ASPH: variants seen among roughly 807,000 people sequenced by gnomAD.
ASPH encodes aspartate beta-hydroxylase.
Under a neutral mutation model 118.4 loss-of-function variants are expected in ASPH, and 100 were observed. The observed-to-expected ratio is 0.84, with a 90% confidence interval of 0.72 to 1.00. The LOEUF (loss-of-function observed/expected upper bound fraction) is 1.00. Among genes scored for constraint, ASPH ranks in the 50% least tolerant of loss-of-function variants. The pLI is 0.00. For synonymous variants in ASPH, 315 were observed against 325.6 expected (o/e 0.97, Z 0.35); for missense variants, 920 against 919.5 (o/e 1.00, Z -0.01).
chr8:61,543,625 A>G (rs1476385059), intron 21 of ASPH, among the ~76,000 whole-genome samples: 1 of 152,166 alleles, frequency 6.6e-6, no homozygotes, highest in Admixed American at 6.5e-5. Flanking sequence ...AGGGCCCCTC[A>G]CAGGCAGTTT....
chr8:61,527,582 A>G (rs1013787591), intron 21 of ASPH, among the ~76,000 whole-genome samples: 1 of 152,244 alleles, frequency 6.6e-6, no homozygotes, highest in Non-Finnish European at 1.5e-5. Context: ...TGTTAACGGA[A>G]GACCAATGAG....
At chr8:61,640,897 C>G (rs1804806658) in intron 10 of ASPH, among the ~76,000 whole-genome samples, 2 of 152,144 alleles carry the variant, frequency 1.3e-5, no homozygotes, top group Admixed American at 6.5e-5. Flanking sequence ...AGTGTATGTT[C>G]TGGGGTTTGC....
intron 15 of ASPH, among the ~76,000 whole-genome samples, chr8:61,581,276 A>G (rs1574196): frequency 0.28 from 42,499 of 152,098 alleles, 7,285 homozygotes; most frequent in African/African-American, 0.47. Flanking sequence ...ATAGCTCCAA[A>G]CACTATTGCT....
At position 61,714,275 on chromosome 8, in the gene ASPH, G is replaced by A. The variant is rs1288784411; in HGVS notation, c.97C>T (p.Arg33Trp). Residue 33 changes from arginine (R) to tryptophan (W), a missense_variant, in exon 1 of 25, where the codon CGG becomes TGG. Physicochemically the swap from Arg to Trp is moderately radical, Grantham distance 101. Transcript: ENST00000379454. Reference sequence around the variant, plus strand: ...GCCCCGCAGGGCCTCTGACCTCTCCGGGCCCCGGGGCTGCTGCTGCCCGCA... The same window carrying A: ...GCCCCGCAGGGCCTCTGACCTCTCCAGGCCCCGGGGCTGCTGCTGCCCGCA... ...TSAGSSSPGA[R>W]RETKHGGHKN... The A allele has an allele frequency of 2.0e-6, 3 of 1,513,912 alleles. No individual in the cohort carries two copies. Among genetic ancestry groups the A allele is most frequent in the African/African-American group, 1.4e-5 (1 of 69,248 alleles). The allele number at this position is 1,513,912 out of a possible 1,614,324, so 93.8% of individuals were successfully genotyped here. A position where few individuals can be genotyped will look rare whatever the true frequency, so the allele number is the denominator to read the frequency against.
chr8:61,635,465 C>T (rs895596100), intron 12 of ASPH, among the ~76,000 whole-genome samples: 4 of 152,104 alleles, frequency 2.6e-5, no homozygotes, highest in Admixed American at 6.6e-5. Context: ...TTCAACCCCC[C>T]ACTTGATACT....
chr8:61,681,669 T>C (rs950705885), intron 2 of ASPH, among the ~76,000 whole-genome samples: 2 of 151,880 alleles, frequency 1.3e-5, no homozygotes, highest in East Asian at 3.9e-4. Flanking sequence ...GGAAAACTTA[T>C]GATTATTCTA....
chr8:61,578,552 C>A (rs1836153802), intron 15 of ASPH: 27 of 1,520,616 alleles, frequency 1.8e-5, no homozygotes, highest in Non-Finnish European at 2.4e-5. Context: ...AGGTACGGTT[C>A]CTGGAGCAGC....
chr8:61,591,533 A>G (rs1841137844), intron 14 of ASPH, among the ~76,000 whole-genome samples: 1 of 152,218 alleles, frequency 6.6e-6, no homozygotes, highest in South Asian at 2.1e-4. Context: ...GGCAGAATAC[A>G]AGGCACAACT....
chr8:61,578,148 A>C, intron 15 of ASPH: 1 of 1,467,514 alleles, frequency 6.8e-7, no homozygotes. Context: ...AATTGGACCA[A>C]GAAGCAGCTT....
chr8:61,641,239 T>C (rs913379054), intron 10 of ASPH, among the ~76,000 whole-genome samples: 7 of 152,212 alleles, frequency 4.6e-5, no homozygotes, highest in African/African-American at 1.7e-4. Context: ...TCTTTTCGCA[T>C]GGTATCTAAT....
chr8:61,688,122 T>C (rs1032317606), intron 1 of ASPH, among the ~76,000 whole-genome samples: 2 of 152,162 alleles, frequency 1.3e-5, no homozygotes, highest in Non-Finnish European at 2.9e-5. Context: ...TACAACTCCC[T>C]AAGCAAATCT....
At position 61,594,274 on chromosome 8, in the gene ASPH, G is replaced by C. The variant is rs113904057; in HGVS notation, c.977-10245C>G. On this transcript the variant is annotated intron_variant, in intron 14 of 24. Coordinates refer to ENST00000379454, the MANE Select transcript of ASPH (RefSeq NM_004318.4). ...GGGGAAATGATTTTAAAATGCTTTA[G>C]AAAATATCACCCGAATTTATTAATT... Among the ~76,000 whole-genome samples, 1,086 of 152,276 alleles carry C rather than the reference G, an allele frequency of 7.1e-3. 11 individuals carry two copies. The highest frequency in any genetic ancestry group is 0.024 in the African/African-American group (998 of 41,550).
intron 15 of ASPH, chr8:61,578,940 G>A: frequency 6.2e-7 from 1 of 1,611,504 alleles, no homozygotes; most frequent in Admixed American, 1.7e-5. Flanking sequence ...CCAGATCTCG[G>A]ACACATCTGT....
intron 14 of ASPH, among the ~76,000 whole-genome samples, chr8:61,602,963 C>A (rs1022076694): frequency 2.6e-5 from 4 of 151,874 alleles, no homozygotes; most frequent in Non-Finnish European, 5.9e-5. Context: ...GAGGCAAAGG[C>A]GGGCAGATCA....
chr8:61,707,652 A>C (rs191183751), intron 1 of ASPH, among the ~76,000 whole-genome samples: 33 of 152,350 alleles, frequency 2.2e-4, no homozygotes, highest in Admixed American at 2.0e-3. Flanking sequence ...ATACATGTAC[A>C]GGGCAGCATT....
intron 21 of ASPH, among the ~76,000 whole-genome samples, chr8:61,546,494 T>A (rs573774633): frequency 6.6e-6 from 1 of 152,188 alleles, no homozygotes; most frequent in Non-Finnish European, 1.5e-5. Flanking sequence ...CAGTGCTAAA[T>A]GTAGCCGACC....
chr8:61,603,277 T>G (rs1470935421), intron 14 of ASPH, among the ~76,000 whole-genome samples: 2 of 148,490 alleles, frequency 1.3e-5, no homozygotes, highest in Non-Finnish European at 3.0e-5. Flanking sequence ...CACTGAATAA[T>G]CAGTGTTTAC....
intron 16 of ASPH, 187 bp downstream of exon 16, chr8:61,576,577 AGGGGGAGC>A: frequency 2.1e-6 from 1 of 483,194 alleles, no homozygotes. Context: ...AGTCATATGG[AGGGGGAGC>A]AGAAAAAAAT....
chr8:61,548,164 T>C lies in ASPH; in HGVS notation c.1671A>G (p.Ala557=), dbSNP rs1824587637. The change falls in exon 21 of 25, where the codon GCA becomes GCG. Residue 557 remains alanine (A), a synonymous_variant. Coordinates refer to ENST00000379454, the MANE Select transcript of ASPH (RefSeq NM_004318.4). ...TGTAGAGTGAGCGTTGCCAGACAGATGCAAAGTGTCCTCTCTTGTGCCCAA... is the reference window on the plus strand; with the variant it reads ...TGTAGAGTGAGCGTTGCCAGACAGACGCAAAGTGTCCTCTCTTGTGCCCAA... The part of the protein sequence containing the change: ...YELGHKRGHF[A]SVWQRSLYNV... The C allele has an allele frequency of 6.2e-7, 1 of 1,614,014 alleles. No individual in the cohort carries two copies. Among genetic ancestry groups the C allele is most frequent in the Non-Finnish European group, 8.5e-7 (1 of 1,179,908 alleles).
Sources: allele counts gnomAD v4.1 joint callset (sites outside exome capture counted in the v4.1 genomes callset), GRCh38; gene constraint gnomAD v4.1.1; transcripts MANE v1.5; gene names NCBI Gene and HGNC (gene_info 2026-07-23, HGNC 2026-07-21).